The following PALM2AKAP2 variants were observed in gnomAD, a reference collection of about 807,000 sequenced individuals.
PALM2AKAP2 encodes PALM2-AKAP2 fusion protein.
In PALM2AKAP2, 37 loss-of-function variants were observed where a neutral mutation model predicts 71.5. The observed-to-expected ratio is 0.52, with a 90% CI of 0.40 to 0.68. The LOEUF is 0.68. PALM2AKAP2 is among the 30% of genes least tolerant of loss of function. The pLI is 0.00. For missense variants in PALM2AKAP2, 1,224 were observed against 1,191.8 expected (o/e 1.03, Z -0.40); for synonymous variants, 468 against 478.8 (o/e 0.98, Z 0.29).
At chr9:109,842,931 G>A (rs1047660242) in intron 1 of PALM2AKAP2, among the ~76,000 whole-genome samples, 3 of 151,956 alleles carry the variant, frequency 2.0e-5, no homozygotes, top group Middle Eastern at 3.4e-3. Context: ...ACCTGAGGTC[G>A]GGAGTTCGAG....
chr9:110,140,027 T>C (rs1835987947), intron 2 of PALM2AKAP2, among the ~76,000 whole-genome samples: 1 of 152,240 alleles, frequency 6.6e-6, no homozygotes, highest in Non-Finnish European at 1.5e-5. Flanking sequence ...AGGGAGTGTC[T>C]GCCAGCCTTC....
At chr9:110,079,142 A>G (rs1270935376) in intron 1 of PALM2AKAP2, among the ~76,000 whole-genome samples, 2 of 152,110 alleles carry the variant, frequency 1.3e-5, no homozygotes, top group Non-Finnish European at 2.9e-5. Context: ...TCTCCTGGTT[A>G]TGGTCAACAT....
At chr9:110,024,661 G>A (rs780077162) in intron 7 of PALM2AKAP2, among the ~76,000 whole-genome samples, 1 of 151,972 alleles carries the variant, frequency 6.6e-6, no homozygotes, top group Non-Finnish European at 1.5e-5. Flanking sequence ...GCATGCATCT[G>A]TAGTCCCAGC....
intron 7 of PALM2AKAP2, among the ~76,000 whole-genome samples, chr9:110,041,926 C>A (rs74497117): frequency 0.025 from 3,750 of 152,242 alleles, 66 homozygotes; most frequent in South Asian, 0.044. Flanking sequence ...TCCAGCTACT[C>A]CCAATGTAAG....
At chr9:109,971,283 C>CTTTTTTTTTT (rs11392589) in intron 6 of PALM2AKAP2, among the ~76,000 whole-genome samples, 4 of 45,678 alleles carry the variant, frequency 8.8e-5, no homozygotes, top group African/African-American at 3.7e-4. Flanking sequence ...CTCTTAGTCC[C>CTTTTTTTTTT]TTTTTTTTTT....
chr9:109,797,630 G>A (rs1304071018), intron 1 of PALM2AKAP2, among the ~76,000 whole-genome samples: 1 of 152,204 alleles, frequency 6.6e-6, no homozygotes, highest in African/African-American at 2.4e-5. Flanking sequence ...GAAGCCGTCC[G>A]TCACCCTCCC....
intron 3 of PALM2AKAP2, among the ~76,000 whole-genome samples, chr9:109,921,183 T>C (rs1830821134): frequency 6.6e-6 from 1 of 152,254 alleles, no homozygotes; most frequent in African/African-American, 2.4e-5. Context: ...GAAAGTCTTA[T>C]CTTGGCTGGG....
intron 1 of PALM2AKAP2, among the ~76,000 whole-genome samples, chr9:109,720,323 A>T (rs529177299): frequency 6.6e-6 from 1 of 152,044 alleles, no homozygotes; most frequent in East Asian, 1.9e-4. Context: ...TAAAAAAAAA[A>T]TTCAGAATAA....
rs146482018 is a variant in PALM2AKAP2, at chr9:110,136,439, G to A, written c.469G>A (p.Ala157Thr). The change falls in exon 2 of 4, where the codon GCT (alanine) becomes ACT (threonine). Residue 157 changes from alanine to threonine, a missense_variant. Transcript: ENST00000374525. ...GCTAGAGGCCAACTGCTGTGATTCT[G>A]CTGTGGATGGAACGTACAATGGAAC... 6.2e-6 allele frequency: 10 copies of A among 1,614,078 alleles called. No individual in the cohort carries two copies. Among genetic ancestry groups the A allele is most frequent in the African/African-American group, 1.3e-5 (1 of 74,916 alleles).
At chr9:109,741,570 C>G (rs1828716120) in intron 1 of PALM2AKAP2, among the ~76,000 whole-genome samples, 1 of 152,148 alleles carries the variant, frequency 6.6e-6, no homozygotes, top group African/African-American at 2.4e-5. Context: ...TTTTATGCTC[C>G]CACCAGCAAA....
In PALM2AKAP2 at chr9:110,120,402, A is replaced by G. The variant is rs528250712; in HGVS notation, c.157-15725A>G. 6.6e-5 allele frequency among the ~76,000 whole-genome samples: 10 copies of G among 152,332 alleles called. No individual in the cohort carries two copies. The East Asian group carries it at 1.7e-3, about 26-fold the overall frequency. Reference sequence around the variant, plus strand: ...GATGGGGACATTTTATTGGCCTGCTAGACTTCTCAGTGCCTTTCCCTTAAA... The same window carrying G: ...GATGGGGACATTTTATTGGCCTGCTGGACTTCTCAGTGCCTTTCCCTTAAA... On this transcript the variant is annotated intron_variant, in intron 1 of 3. Transcript: ENST00000374525.
chr9:110,076,992 C>T (rs1206137430), intron 1 of PALM2AKAP2, among the ~76,000 whole-genome samples: 1 of 152,266 alleles, frequency 6.6e-6, no homozygotes, highest in Non-Finnish European at 1.5e-5. Flanking sequence ...GGCCCAGGAC[C>T]GGCGTTTGTC....
chr9:110,158,374 A>G (rs1836511208), intron 3 of PALM2AKAP2, among the ~76,000 whole-genome samples: 1 of 152,162 alleles, frequency 6.6e-6, no homozygotes. Flanking sequence ...AACAAGTAGA[A>G]CCACTTAGCA....
In PALM2AKAP2 at chr9:109,740,757, G is replaced by A. The variant is rs370688934; in HGVS notation, c.6-39731G>A. ...CAACCTCCGCCTGCCGGGTTCAAGC[G>A]ATTCTCCTGCCTCAGCCTCCTGAGT... On this transcript the variant is annotated intron_variant, in intron 1 of 6. Transcript: ENST00000374531. Among the ~76,000 whole-genome samples the A allele has an allele frequency of 9.9e-5, 15 of 152,198 alleles. No homozygotes were observed. The South Asian group carries it at 1.2e-3, about 13-fold the overall frequency.
intron 6 of PALM2AKAP2, among the ~76,000 whole-genome samples, chr9:109,964,203 T>G (rs1831902593): frequency 6.6e-6 from 1 of 152,292 alleles, no homozygotes; most frequent in Non-Finnish European, 1.5e-5. Context: ...GGCATAGGCC[T>G]GGCTGCAGCC....
chr9:110,125,338 G>A (rs1835575831), intron 1 of PALM2AKAP2, among the ~76,000 whole-genome samples: 1 of 152,188 alleles, frequency 6.6e-6, no homozygotes, highest in African/African-American at 2.4e-5. Flanking sequence ...GAGCAGGCCG[G>A]GCCTGCTCTG....
intron 6 of PALM2AKAP2, among the ~76,000 whole-genome samples, chr9:109,990,697 A>G (rs1832463882): frequency 6.6e-6 from 1 of 152,236 alleles, no homozygotes; most frequent in Non-Finnish European, 1.5e-5. Context: ...TTACTGCAAT[A>G]GGCATCAGAC....
chr9:110,062,136 G>A (rs371840298), intron 1 of PALM2AKAP2, among the ~76,000 whole-genome samples: 1 of 152,134 alleles, frequency 6.6e-6, no homozygotes. Context: ...AGGACCTACA[G>A]GTTTGTTACA....
At chr9:110,120,462 A>G (rs10980210) in intron 1 of PALM2AKAP2, among the ~76,000 whole-genome samples, 6,875 of 152,300 alleles carry the variant, frequency 0.045, 361 homozygotes, top group East Asian at 0.25. Flanking sequence ...CTGGAATGAA[A>G]TACAACACAC....
Sources: allele counts gnomAD v4.1 joint callset (sites outside exome capture counted in the v4.1 genomes callset), GRCh38; gene constraint gnomAD v4.1.1; transcripts MANE v1.5; gene names NCBI Gene and HGNC (gene_info 2026-07-23, HGNC 2026-07-21).